Variants in VPS4A observed in about 807,000 individuals in gnomAD.
VPS4A encodes the protein vacuolar protein sorting 4 homolog A, also known as vacuolar protein sorting-associated protein 4A.
A neutral mutation model predicts 52.3 loss-of-function variants in VPS4A; 20 were observed. That is an observed-to-expected ratio of 0.38 (90% CI 0.27 to 0.56). VPS4A has a LOEUF of 0.56. Ranked by LOEUF, VPS4A falls within the 20% of genes least tolerant of loss-of-function variation. The probability of loss-of-function intolerance (pLI) is 0.72; values close to 1 mark genes in which losing one functional copy is unlikely to be tolerated. For missense variants in VPS4A, 419 were observed against 575.9 expected (o/e 0.73, Z 2.79); for synonymous variants, 293 against 227.7 (o/e 1.29, Z -2.58).
intron 10 of VPS4A, among the ~76,000 whole-genome samples, chr16:69,323,960 A>AAAAAAAAAAAAG (rs1567425639): frequency 1.3e-5 from 2 of 151,104 alleles, no homozygotes; most frequent in African/African-American, 4.9e-5. Flanking sequence ...AAAAAAAAAA[A>AAAAAAAAAAAAG]AAAAAGAAAG....
rs1052454225 is a variant in VPS4A at position 69,321,562 on chromosome 16, G to A, written c.1071+292G>A. On this transcript the variant is annotated intron_variant, in intron 9 of 10. Coordinates refer to ENST00000254950, the MANE Select transcript of VPS4A (RefSeq NM_013245.3). The surrounding 1 kb of genome is among the most constrained non-coding windows in gnomAD (Gnocchi z 4.5). The stretch of plus-strand genomic sequence containing the variant: ...GCACTGTGTGCTCTTGTGCGGGGTG[G>A]ACACCAAATCAGTGTTTGGAAAGTG... 2 of 446,546 alleles carry A rather than the reference G, an allele frequency of 4.5e-6. No individual in the cohort carries two copies. Among genetic ancestry groups the A allele is most frequent in the Middle Eastern group, 6.3e-4 (1 of 1,578 alleles). 27.7% of individuals were successfully genotyped at this position (446,546 alleles called of 1,614,324 possible). A position where few individuals can be genotyped will look rare whatever the true frequency, so the allele number is the denominator to read the frequency against.
At chr16:69,316,510 C>T (rs1965438755) in intron 3 of VPS4A, 138 bp downstream of exon 3, 1 of 1,195,770 alleles carries the variant, frequency 8.4e-7, no homozygotes, top group Non-Finnish European at 1.2e-6. Context: ...CAGCTGCTTT[C>T]AGGGAGCATG....
At chr16:69,318,617 G>A (rs2143257561) in intron 3 of VPS4A, 33 bp from the exon 4 acceptor site, 1 of 1,586,506 alleles carries the variant, frequency 6.3e-7, no homozygotes, top group Non-Finnish European at 8.6e-7. Context: ...CAGGCTGAAG[G>A]GCCAGCTTGT....
At chr16:69,318,612 T>C in intron 3 of VPS4A, 38 bp from the exon 4 acceptor site, 1 of 1,582,714 alleles carries the variant, frequency 6.3e-7, no homozygotes, top group Non-Finnish European at 8.6e-7. Context: ...TGCTCCAGGC[T>C]GAAGGGCCAG....
chr16:69,317,579 G>T (rs1056736491), intron 3 of VPS4A, among the ~76,000 whole-genome samples: 3 of 152,168 alleles, frequency 2.0e-5, no homozygotes, highest in Admixed American at 6.5e-5. Flanking sequence ...GGATCACGAG[G>T]TCAGGAGATT....
At chr16:69,313,979 T>C (rs918572820) in intron 1 of VPS4A, among the ~76,000 whole-genome samples, 16 of 148,132 alleles carry the variant, frequency 1.1e-4, no homozygotes, top group Non-Finnish European at 2.4e-4. Flanking sequence ...AAAAGTCCAG[T>C]GCACTCTTTT....
Position 69,315,993 on chromosome 16 carries a change from G to A in VPS4A, c.22-15G>A. On this transcript the variant is annotated splice_polypyrimidine_tract_variant and intron_variant, in intron 1 of 10. Transcript: ENST00000254950. ...TCTCCGAGGAAGCACTGAGCCATTT[G>A]CTTTGCCTTTCCAGAAAGCCATTGA... 1.2e-6 allele frequency: 2 copies of A among 1,612,320 alleles called. No individual in the cohort carries two copies. The highest frequency in any genetic ancestry group is 2.2e-5 in the South Asian group (2 of 91,022).
At chr16:69,318,070 C>T (rs978109388) in intron 3 of VPS4A, among the ~76,000 whole-genome samples, 13 of 147,356 alleles carry the variant, frequency 8.8e-5, no homozygotes, top group Non-Finnish European at 1.6e-4. Context: ...TGCAGTGGTG[C>T]GATCTTGGTT....
intron 10 of VPS4A, 31 bp from the exon 11 acceptor site, chr16:69,324,177 C>T (rs1340044594): frequency 1.2e-6 from 2 of 1,602,648 alleles, no homozygotes; most frequent in African/African-American, 1.3e-5. Flanking sequence ...GAGCCTGGCT[C>T]CTGCTCAGGC....
rs1034053966 is a variant in VPS4A, at chr16:69,321,675, C to T, written c.1071+405C>T. ...CTGTGGGTCCTCCTGTGTGCCCGGC[C>T]CTGTCCTAAGTGCTGGGAAGATATG... On this transcript the variant is annotated intron_variant, in intron 9 of 10. Transcript: ENST00000254950. The surrounding 1 kb of genome is among the most constrained non-coding windows in gnomAD (Gnocchi z 4.5). 7.2e-5 allele frequency: 17 copies of T among 237,422 alleles called. No homozygotes were observed. Among genetic ancestry groups the T allele is most frequent in the Non-Finnish European group, 1.3e-4 (16 of 118,654 alleles). 14.7% of individuals were successfully genotyped at this position (237,422 alleles called of 1,614,324 possible).
Position 69,324,417 on chromosome 16 carries a change from A to G in VPS4A, c.*108A>G, listed in dbSNP as rs1965556730. On this transcript the variant is annotated 3_prime_UTR_variant, in exon 11 of 11. Coordinates refer to ENST00000254950, the MANE Select transcript of VPS4A (RefSeq NM_013245.3). ...GGCTCCAGGGCTTGTCCCAGTCAAT[A>G]CAGAGTTCCCTCTGCTGTCTGGCCG... 8.2e-7 allele frequency: 1 copy of G among 1,212,724 alleles called. No individual in the cohort carries two copies. The highest frequency in any genetic ancestry group is 1.5e-5 in the African/African-American group (1 of 66,504). The allele number at this position is 1,212,724 out of a possible 1,614,324, so 75.1% of individuals were successfully genotyped here.
chr16:69,322,838 G>C, intron 10 of VPS4A, 138 bp downstream of exon 10: 1 of 1,109,820 alleles, frequency 9.0e-7, no homozygotes. Flanking sequence ...GGGAGGCCAG[G>C]GTGGGCAGAT....
chr16:69,315,998 G>A lies in VPS4A; in HGVS notation c.22-10G>A. The A allele has an allele frequency of 6.2e-7, 1 of 1,612,984 alleles. No individual in the cohort carries two copies. Among genetic ancestry groups the A allele is most frequent in the South Asian group, 1.1e-5 (1 of 91,066 alleles). ...GAGGAAGCACTGAGCCATTTGCTTT[G>A]CCTTTCCAGAAAGCCATTGATCTGG... is the stretch of plus-strand genomic sequence containing the variant. On this transcript the variant is annotated splice_polypyrimidine_tract_variant and intron_variant, in intron 1 of 10. Transcript: ENST00000254950.
intron 1 of VPS4A, among the ~76,000 whole-genome samples, chr16:69,312,837 T>A (rs1236496676): frequency 6.6e-6 from 1 of 152,018 alleles, no homozygotes; most frequent in Non-Finnish European, 1.5e-5. Context: ...GGTCTCGAAC[T>A]CCCGACCTCA....
chr16:69,324,246 G>T lies in VPS4A; in HGVS notation c.1251G>T (p.Thr417=). The T allele has an allele frequency of 6.2e-7, 1 of 1,613,888 alleles. No homozygotes were observed. The highest frequency in any genetic ancestry group is 8.5e-7 in the Non-Finnish European group (1 of 1,179,876). Residue 417 remains threonine (T), a synonymous_variant, in exon 11 of 11, where the codon ACG becomes ACT. Coordinates refer to ENST00000254950, the MANE Select transcript of VPS4A (RefSeq NM_013245.3). ...GGTCTCTGGCCACCACCCGGCCCAC[G>T]GTGAATGCAGACGACCTCCTGAAAG... is the stretch of plus-strand genomic sequence containing the variant. ...MLRSLATTRP[T]VNADDLLKVK... is the part of the protein sequence containing the mutation.
intron 10 of VPS4A, among the ~76,000 whole-genome samples, chr16:69,323,971 C>CAAGT (rs1965550577): frequency 7.4e-6 from 1 of 134,884 alleles, no homozygotes; most frequent in African/African-American, 3.0e-5. Context: ...AAAAAGAAAG[C>CAAGT]AAGTTCGTAA....
chr16:69,311,502 A>G lies in VPS4A; in HGVS notation c.-10A>G, dbSNP rs1182484501. On this transcript the variant is annotated 5_prime_UTR_variant, in exon 1 of 11. Transcript: ENST00000254950. ...GCGCCGCGGGGTGTGGGGCGGACCC[A>G]GGAGATGAAATGACAACGTCAACCC... The G allele has an allele frequency of 3.7e-6, 5 of 1,353,248 alleles. No individual in the cohort carries two copies. The highest frequency in any genetic ancestry group is 4.8e-6 in the Non-Finnish European group (5 of 1,039,562). 83.8% of individuals were successfully genotyped at this position (1,353,248 alleles called of 1,614,324 possible).
chr16:69,313,901 C>T (rs1965406106), intron 1 of VPS4A, among the ~76,000 whole-genome samples: 1 of 151,542 alleles, frequency 6.6e-6, no homozygotes, highest in African/African-American at 2.4e-5. Flanking sequence ...CCCTCCTGTT[C>T]TGTAAAACTG....
rs552007334 is a variant in VPS4A at position 69,318,763 on chromosome 16, T to C, written c.343+52T>C. The C allele has an allele frequency of 1.5e-4, 234 of 1,613,102 alleles. No homozygotes were observed. The East Asian group carries it at 5.2e-3, about 36-fold the overall frequency. On this transcript the variant is annotated intron_variant, in intron 4 of 10. Coordinates refer to ENST00000254950, the MANE Select transcript of VPS4A (RefSeq NM_013245.3). ...CGGCAGGGGATGAGAGTGGGTCCGC[T>C]GCTGGGTTGGCTCATGCCCCTTGGC...
Sources: gnomAD v4.1 joint callset for allele counts (sites outside exome capture counted in the v4.1 genomes callset) on GRCh38, gnomAD v4.1.1 for gene constraint, Gnocchi (gnomAD v3.1) non-coding constraint, MANE v1.5 for transcripts, NCBI Gene and HGNC (gene_info 2026-07-23, HGNC 2026-07-21) for gene names.